Variants in LDLRAD4 observed in about 807,000 individuals in gnomAD.
The protein encoded by LDLRAD4 is low-density lipoprotein receptor class A domain-containing protein 4.
Under a neutral mutation model 17.0 loss-of-function variants are expected in LDLRAD4, and 5 were observed. That is an observed-to-expected ratio of 0.29 (90% CI 0.15 to 0.62). The LOEUF (loss-of-function observed/expected upper bound fraction) is 0.62. LDLRAD4 is among the 20% of genes least tolerant of loss of function. LDLRAD4 has a pLI of 0.84. For missense variants in LDLRAD4, 340 were observed against 424.7 expected, an observed-to-expected ratio of 0.80 and a Z score of 1.75; for synonymous variants, 168 against 171.8, an observed-to-expected ratio of 0.98 and a Z score of 0.17.
intron 2 of LDLRAD4, among the ~76,000 whole-genome samples, chr18:13,392,577 G>C (rs1363016661): frequency 6.6e-6 from 1 of 152,164 alleles, no homozygotes. Flanking sequence ...GATTTCACCT[G>C]AGGTTTCTTG....
At chr18:13,547,396 C>G (rs1333996513) in intron 3 of LDLRAD4, among the ~76,000 whole-genome samples, 1 of 152,240 alleles carries the variant, frequency 6.6e-6, no homozygotes, top group Non-Finnish European at 1.5e-5. Flanking sequence ...ATCAGTGTCA[C>G]AGGATCCTTA....
At chr18:13,475,712 C>T (rs1374456421) in intron 3 of LDLRAD4, among the ~76,000 whole-genome samples, 3 of 152,158 alleles carry the variant, frequency 2.0e-5, no homozygotes, top group African/African-American at 7.2e-5. Context: ...AATTCACAGC[C>T]TCATCAGGAG....
intron 3 of LDLRAD4, among the ~76,000 whole-genome samples, chr18:13,465,827 T>C (rs951515194): frequency 2.6e-5 from 4 of 152,258 alleles, no homozygotes; most frequent in African/African-American, 9.6e-5. Context: ...TGTGGACATG[T>C]GTATAAACCG....
At chr18:13,531,132 C>T (rs72882428) in intron 3 of LDLRAD4, among the ~76,000 whole-genome samples, 21,351 of 152,040 alleles carry the variant, frequency 0.14, 1,611 homozygotes, top group Middle Eastern at 0.28. Flanking sequence ...GGGCTCAGGA[C>T]CAGCCCAGTC....
chr18:13,501,009 C>G (rs1438264067), intron 3 of LDLRAD4: 1 of 150,286 alleles, frequency 6.7e-6, no homozygotes, highest in Non-Finnish European at 1.5e-5. Flanking sequence ...ATTGTCACTG[C>G]TAGGTCCCAG....
At chr18:13,324,361 C>T (rs191773687) in intron 1 of LDLRAD4, among the ~76,000 whole-genome samples, 2 of 151,956 alleles carry the variant, frequency 1.3e-5, no homozygotes, top group African/African-American at 4.8e-5. Flanking sequence ...CCAGTATGGT[C>T]TCCATCTCCT....
intron 3 of LDLRAD4, among the ~76,000 whole-genome samples, chr18:13,501,806 T>C (rs1339572602): frequency 1.3e-5 from 2 of 152,160 alleles, no homozygotes; most frequent in African/African-American, 4.8e-5. Context: ...TAATGCATGA[T>C]AAAAACAGGG....
chr18:13,338,073 C>A (rs1271470341), intron 1 of LDLRAD4, among the ~76,000 whole-genome samples: 5 of 152,130 alleles, frequency 3.3e-5, no homozygotes, highest in Non-Finnish European at 7.3e-5. Context: ...CTTCAAGTTA[C>A]CCCTTTTCCC....
chr18:13,552,808 C>T (rs551298937), intron 3 of LDLRAD4, among the ~76,000 whole-genome samples: 15 of 152,266 alleles, frequency 9.9e-5, no homozygotes, highest in South Asian at 8.3e-4. Context: ...GGTTCTTTAC[C>T]GAGCTTCAGT....
In LDLRAD4 at chr18:13,387,628, G is replaced by A. The variant is rs78151564; in HGVS notation, c.-95G>A. Reference sequence around the variant, plus strand: ...GCCGGCCCAGCAGAGCGATGGACTTGGACAGGCTAAGATGGAAGTGACCTG... The same window carrying A: ...GCCGGCCCAGCAGAGCGATGGACTTAGACAGGCTAAGATGGAAGTGACCTG... On this transcript the variant is annotated 5_prime_UTR_variant, in exon 2 of 6. The change creates a premature stop within an existing upstream ORF in the 5' untranslated region. Coordinates refer to ENST00000359446, the Ensembl canonical transcript of LDLRAD4. 7.4e-4 allele frequency: 848 copies of A among 1,151,702 alleles called. 6 individuals are homozygous for A. The African/African-American group carries it at 0.012, about 16-fold the overall frequency. 71.3% of individuals were successfully genotyped at this position (1,151,702 alleles called of 1,614,324 possible).
intron 3 of LDLRAD4, among the ~76,000 whole-genome samples, chr18:13,454,996 C>T (rs2092051209): frequency 1.3e-5 from 2 of 152,238 alleles, no homozygotes; most frequent in Non-Finnish European, 2.9e-5. Context: ...ATGATCACAA[C>T]CCTGCAAACA....
rs138180950 is a variant in LDLRAD4, at chr18:13,223,148, C to T, written c.-467+4160C>T. Among the ~76,000 whole-genome samples the T allele has an allele frequency of 6.7e-3, 1,025 of 152,228 alleles. 7 individuals carry two copies. The highest frequency in any genetic ancestry group is 0.016 in the African/African-American group (659 of 41,526). On this transcript the variant is annotated intron_variant, in intron 1 of 5. Coordinates refer to the LDLRAD4 transcript ENST00000399848. Reference sequence around the variant, plus strand: ...AGCCACCTCATACCAGGGGCCCCTGCCAAATGATTTGCTCTTCTCTTTGTG... The same window carrying T: ...AGCCACCTCATACCAGGGGCCCCTGTCAAATGATTTGCTCTTCTCTTTGTG...
chr18:13,423,924 C>G (rs1300691274), intron 2 of LDLRAD4, among the ~76,000 whole-genome samples: 1 of 152,072 alleles, frequency 6.6e-6, no homozygotes, highest in Non-Finnish European at 1.5e-5. Context: ...CTCCTGAGGT[C>G]AGGAGTTTGA....
chr18:13,519,686 A>AC (rs2093923943), intron 3 of LDLRAD4: 1 of 152,092 alleles, frequency 6.6e-6, no homozygotes, highest in South Asian at 2.1e-4. Context: ...AATTGCTTAA[A>AC]CCCAGGAGGT....
chr18:13,646,497 A>AAGAT (rs1411709782), exon 6 of LDLRAD4: 1 of 152,218 alleles, frequency 6.6e-6, no homozygotes, highest in African/African-American at 2.4e-5. Context: ...GATGGAAGAT[A>AAGAT]AGATAGGGAA....
chr18:13,261,995 CGTGGGGCTCT>C, intron 1 of LDLRAD4, among the ~76,000 whole-genome samples: 2 of 150,618 alleles, frequency 1.3e-5, no homozygotes, highest in African/African-American at 4.9e-5. Context: ...AACTGAGTCC[CGTGGGGCTCT>C]GTGCGTGGGG....
intron 5 of LDLRAD4, 52 bp downstream of exon 6, chr18:13,643,464 G>GGGGGGGGGGGGGGGGGGGGGGGCC: frequency 1.7e-5 from 5 of 288,970 alleles, no homozygotes; most frequent in East Asian, 1.7e-4. Context: ...GGTGGGTGGG[G>GGGGGGGGGGGGGGGGGGGGGGGCC]ATGAAGGGGG....
chr18:13,324,879 C>T (rs2081437105), intron 1 of LDLRAD4, among the ~76,000 whole-genome samples: 1 of 152,142 alleles, frequency 6.6e-6, no homozygotes, highest in Non-Finnish European at 1.5e-5. Context: ...TGGTCGCATT[C>T]TTGTGAGGCT....
intron 3 of LDLRAD4, among the ~76,000 whole-genome samples, chr18:13,539,394 G>T (rs1299528197): frequency 1.3e-5 from 2 of 152,352 alleles, no homozygotes; most frequent in Non-Finnish European, 1.5e-5. Context: ...TAGAAAAAGA[G>T]CTGTTCAAGG....
Sources: allele counts gnomAD v4.1 joint callset (sites outside exome capture counted in the v4.1 genomes callset), GRCh38; gene constraint gnomAD v4.1.1; transcripts MANE v1.5; gene names NCBI Gene and HGNC (gene_info 2026-07-23, HGNC 2026-07-21).